RGS7BP: variants seen among roughly 807,000 people sequenced by gnomAD.
RGS7BP encodes the protein regulator of G protein signaling 7-binding protein.
RGS7BP carries 9 observed loss-of-function variants against 31.3 expected under a neutral mutation model. That is an observed-to-expected ratio of 0.29 (90% CI 0.17 to 0.50). The LOEUF is 0.50. RGS7BP is among the 20% of genes least tolerant of loss of function. The pLI is 0.98. For synonymous variants in RGS7BP, 115 were observed against 120.1 expected (o/e 0.96, Z 0.28); for missense variants, 274 against 322.0 (o/e 0.85, Z 1.14).
At chr5:64,590,222 T>C (rs1742875361) in intron 3 of RGS7BP, among the ~76,000 whole-genome samples, 1 of 151,998 alleles carries the variant, frequency 6.6e-6, no homozygotes, top group Non-Finnish European at 1.5e-5. Context: ...AATCTAAGTG[T>C]GAGCACCAAG....
At chr5:64,558,658 C>CATTAGG in intron 2 of RGS7BP, among the ~76,000 whole-genome samples, 1 of 152,190 alleles carries the variant, frequency 6.6e-6, no homozygotes, top group Non-Finnish European at 1.5e-5. Context: ...GGGAGATAAC[C>CATTAGG]ATTAGGTTTG....
intron 2 of RGS7BP, among the ~76,000 whole-genome samples, chr5:64,567,796 T>C (rs1287635455): frequency 6.6e-6 from 1 of 152,170 alleles, no homozygotes; most frequent in African/African-American, 2.4e-5. Flanking sequence ...ACCCCTAAAA[T>C]TCCAGTGGGT....
chr5:64,580,450 A>G (rs1177305530), intron 3 of RGS7BP, among the ~76,000 whole-genome samples: 1 of 152,178 alleles, frequency 6.6e-6, no homozygotes, highest in East Asian at 1.9e-4. Flanking sequence ...GCTCAAAATG[A>G]GCAGTGGATT....
rs190896913 is a variant in RGS7BP, at chr5:64,609,259, C to T, written c.*7C>T. 6.5e-6 allele frequency: 10 copies of T among 1,544,642 alleles called. No individual in the cohort carries two copies. The highest frequency in any genetic ancestry group is 5.0e-5 in the Admixed American group (3 of 59,744). ...TTGTCTCATCTCAAGCTAGGTGGCT[C>T]CTCCTGGAAACCCACTGAGAACATC... On this transcript the variant is annotated 3_prime_UTR_variant, in exon 6 of 6. Transcript: ENST00000334025.
intron 2 of RGS7BP, among the ~76,000 whole-genome samples, chr5:64,537,413 G>A (rs1160923685): frequency 2.6e-5 from 4 of 152,286 alleles, no homozygotes; most frequent in South Asian, 4.2e-4. Flanking sequence ...AGACTGGTAG[G>A]TCAATGTATA....
intron 2 of RGS7BP, among the ~76,000 whole-genome samples, chr5:64,528,374 G>A (rs1055343246): frequency 4.6e-5 from 7 of 152,236 alleles, no homozygotes; most frequent in African/African-American, 1.7e-4. Flanking sequence ...TAAAATAAGA[G>A]ACATCAGTGA....
Position 64,513,522 on chromosome 5 carries a change from T to G in RGS7BP, c.332+5645T>G, listed in dbSNP as rs368222127. On this transcript the variant is annotated intron_variant, in intron 2 of 5. Coordinates refer to ENST00000334025, the MANE Select transcript of RGS7BP (RefSeq NM_001029875.3). ...GCTAGGAAGTTAGGAGGTGGGAGAG[T>G]GAGATAAGGGAAAATAAAGAATTGC... 5.9e-5 allele frequency among the ~76,000 whole-genome samples: 9 copies of G among 152,080 alleles called. No homozygotes were observed. In the East Asian group the frequency reaches 1.5e-3, roughly 26 times the overall value.
intron 2 of RGS7BP, among the ~76,000 whole-genome samples, chr5:64,514,046 C>T (rs1748909525): frequency 1.3e-5 from 2 of 152,196 alleles, no homozygotes; most frequent in South Asian, 4.1e-4. Context: ...GAAGTATCTG[C>T]TCCATGCTTC....
intron 2 of RGS7BP, among the ~76,000 whole-genome samples, chr5:64,525,255 G>A (rs1311779492): frequency 1.3e-5 from 2 of 152,128 alleles, no homozygotes; most frequent in Admixed American, 6.6e-5. Flanking sequence ...AAAGGAGGGA[G>A]GTGTTCTTAA....
chr5:64,551,206 G>A (rs1194524291), intron 2 of RGS7BP, among the ~76,000 whole-genome samples: 1 of 150,136 alleles, frequency 6.7e-6, no homozygotes, highest in African/African-American at 2.5e-5. Flanking sequence ...AAAGATTACT[G>A]TCTATAGAAG....
intron 3 of RGS7BP, among the ~76,000 whole-genome samples, chr5:64,589,808 G>T (rs867719324): frequency 1.3e-5 from 2 of 151,558 alleles, no homozygotes; most frequent in African/African-American, 2.4e-5. Flanking sequence ...TATTCCTATA[G>T]TCCCAGCTAT....
chr5:64,585,792 C>T (rs2111930386), intron 3 of RGS7BP, among the ~76,000 whole-genome samples: 1 of 152,096 alleles, frequency 6.6e-6, no homozygotes, highest in East Asian at 1.9e-4. Flanking sequence ...ATAGAAATCC[C>T]CAAGGAGCTG....
intron 2 of RGS7BP, among the ~76,000 whole-genome samples, chr5:64,512,722 T>C (rs563840187): frequency 3.3e-5 from 5 of 152,220 alleles, no homozygotes; most frequent in Non-Finnish European, 5.9e-5. Context: ...TTGGCTGGAA[T>C]AAATCTTTGT....
At position 64,610,066 on chromosome 5, in the gene RGS7BP, T is replaced by C. The variant is rs1420197025; in HGVS notation, c.*814T>C. 6.6e-6 allele frequency: 1 copy of C among 152,420 alleles called. No homozygotes were observed. Among genetic ancestry groups the C allele is most frequent in the Non-Finnish European group, 1.5e-5 (1 of 67,930 alleles). The allele number at this position is 152,420 out of a possible 1,614,324, so 9.4% of individuals were successfully genotyped here. Reference sequence around the variant, plus strand: ...AAAATCAAATATTATTACATTTTGTTCTAATTGAAATCTGAAGCATGGTGT... The same window carrying C: ...AAAATCAAATATTATTACATTTTGTCCTAATTGAAATCTGAAGCATGGTGT... On this transcript the variant is annotated 3_prime_UTR_variant, in exon 6 of 6. Transcript: ENST00000334025.
chr5:64,543,166 G>T (rs1741568969), intron 2 of RGS7BP, among the ~76,000 whole-genome samples: 1 of 152,210 alleles, frequency 6.6e-6, no homozygotes, highest in Non-Finnish European at 1.5e-5. Context: ...TGTTAGAAAA[G>T]ACCTCTACTG....
chr5:64,552,502 T>A (rs1741820554), intron 2 of RGS7BP, among the ~76,000 whole-genome samples: 1 of 152,204 alleles, frequency 6.6e-6, no homozygotes, highest in East Asian at 1.9e-4. Context: ...TACTAATTTC[T>A]CAACAAAGGA....
rs80242236 is a variant in RGS7BP at position 64,580,136 on chromosome 5, T to C, written c.463+4232T>C. On this transcript the variant is annotated intron_variant, in intron 3 of 5. Transcript: ENST00000334025. ...ATGAGTTGAGGAAGAGATAGGTCCA[T>C]AGACCACAACCCAAGAGTATTAAAC... Among the ~76,000 whole-genome samples, 1,003 of 152,290 alleles carry C rather than the reference T, an allele frequency of 6.6e-3. 8 individuals are homozygous for C. The highest frequency in any genetic ancestry group is 0.01 in the Non-Finnish European group (689 of 68,020).
intron 5 of RGS7BP, among the ~76,000 whole-genome samples, chr5:64,607,164 G>T (rs1743385154): frequency 6.6e-6 from 1 of 152,098 alleles, no homozygotes; most frequent in Non-Finnish European, 1.5e-5. Flanking sequence ...CTTTGGGAAG[G>T]GGAGGAGAAG....
intron 2 of RGS7BP, among the ~76,000 whole-genome samples, chr5:64,520,358 A>C (rs754728087): frequency 6.6e-6 from 1 of 152,134 alleles, no homozygotes; most frequent in Non-Finnish European, 1.5e-5. Flanking sequence ...CAGCCAGCAC[A>C]CAGCCGATTT....
Sources: allele counts gnomAD v4.1 joint callset (sites outside exome capture counted in the v4.1 genomes callset), GRCh38; gene constraint gnomAD v4.1.1; transcripts MANE v1.5; gene names NCBI Gene and HGNC (gene_info 2026-07-23, HGNC 2026-07-21).